Variants in DLC1 observed in about 807,000 individuals in gnomAD.
The protein encoded by DLC1 is DLC1 Rho GTPase activating protein.
In DLC1, 54 loss-of-function variants were observed where a neutral mutation model predicts 140.3. That is an observed-to-expected ratio of 0.38 (90% CI 0.31 to 0.48). The LOEUF (loss-of-function observed/expected upper bound fraction) is 0.48. Among genes scored for constraint, DLC1 ranks in the 20% least tolerant of loss-of-function variants. The pLI is 0.96. For synonymous variants in DLC1, 986 were observed against 728.1 expected (o/e 1.35, Z -5.70); for missense variants, 2,536 against 1,907.0 (o/e 1.33, Z -6.14).
At chr8:13,127,057 G>C (rs566148874) in intron 5 of DLC1, among the ~76,000 whole-genome samples, 1 of 152,190 alleles carries the variant, frequency 6.6e-6, no homozygotes, top group Non-Finnish European at 1.5e-5. Flanking sequence ...AAACCTCAAA[G>C]AGGAAACACT....
In DLC1 at chr8:13,281,949, TG is replaced by T. The variant is rs371661991; in HGVS notation, c.1348+23319del. On this transcript the variant is annotated intron_variant, in intron 5 of 17. Transcript: ENST00000276297. Reference sequence around the variant, plus strand: ...TTCTGCGCCTTGCCAGACAGCTTTGTGATCTTGGGACAGCATTTTGTTTTCT... The same window carrying T: ...TTCTGCGCCTTGCCAGACAGCTTTGTATCTTGGGACAGCATTTTGTTTTCT... Among the ~76,000 whole-genome samples the T allele has an allele frequency of 3.3e-3, 502 of 152,328 alleles. 5 individuals carry two copies. The highest frequency in any genetic ancestry group is 0.014 in the Admixed American group (211 of 15,306).
intron 5 of DLC1, among the ~76,000 whole-genome samples, chr8:13,272,460 A>G (rs560634981): frequency 6.6e-6 from 1 of 152,228 alleles, no homozygotes; most frequent in African/African-American, 2.4e-5. Context: ...ACAAACAAAC[A>G]AACAAAAAAG....
chr8:13,507,167 C>G (rs577014979), intron 1 of DLC1, among the ~76,000 whole-genome samples: 20 of 152,242 alleles, frequency 1.3e-4, no homozygotes, highest in African/African-American at 4.1e-4. Context: ...TGTCAAAGAA[C>G]AAATTACCTA....
chr8:13,603,214 C>G (rs886703989), intron 1 of DLC1, among the ~76,000 whole-genome samples: 4 of 151,742 alleles, frequency 2.6e-5, no homozygotes, highest in African/African-American at 9.7e-5. Flanking sequence ...TTTCTAACAT[C>G]GTGATGTTAG....
chr8:13,204,972 G>C (rs1827581251), intron 5 of DLC1, among the ~76,000 whole-genome samples: 2 of 152,082 alleles, frequency 1.3e-5, no homozygotes, highest in South Asian at 2.1e-4. Context: ...TAATTGGCTT[G>C]CTTCTTAACA....
At chr8:13,429,473 G>T (rs1838761605) in intron 2 of DLC1, among the ~76,000 whole-genome samples, 2 of 152,178 alleles carry the variant, frequency 1.3e-5, no homozygotes, top group South Asian at 4.1e-4. Context: ...GTAGTGATTT[G>T]TAGTCGTTGA....
chr8:13,255,559 GT>G (rs553854082), intron 5 of DLC1, among the ~76,000 whole-genome samples: 175 of 152,336 alleles, frequency 1.1e-3, no homozygotes, highest in African/African-American at 3.8e-3. Context: ...ATGAACAGAT[GT>G]GAGGGTTGAA....
intron 4 of DLC1, among the ~76,000 whole-genome samples, chr8:13,350,694 C>T (rs902036308): frequency 3.3e-5 from 5 of 151,592 alleles, no homozygotes; most frequent in South Asian, 2.1e-4. Flanking sequence ...CCAGCCTGGG[C>T]CATGGAGCAA....
At chr8:13,111,022 G>T (rs1332863402) in intron 6 of DLC1, among the ~76,000 whole-genome samples, 199 bp from the exon 7 acceptor site, 1 of 152,176 alleles carries the variant, frequency 6.6e-6, no homozygotes, top group Non-Finnish European at 1.5e-5. Flanking sequence ...AGGAGCTTCG[G>T]CTTTAATGTG....
chr8:13,205,447 G>A (rs1427281768), intron 5 of DLC1, among the ~76,000 whole-genome samples: 2 of 152,150 alleles, frequency 1.3e-5, no homozygotes, highest in South Asian at 2.1e-4. Flanking sequence ...GTGGTTCCGC[G>A]GCATAAATGA....
intron 1 of DLC1, among the ~76,000 whole-genome samples, chr8:13,581,157 C>T (rs1393907938): frequency 6.6e-6 from 1 of 152,216 alleles, no homozygotes; most frequent in Non-Finnish European, 1.5e-5. Flanking sequence ...AGATCTCATT[C>T]AGTCAGGGTC....
At chr8:13,307,121 G>T (rs369170122) in intron 4 of DLC1, among the ~76,000 whole-genome samples, 2 of 151,368 alleles carry the variant, frequency 1.3e-5, no homozygotes, top group Non-Finnish European at 2.9e-5. Context: ...GAGATGGGGG[G>T]AGTTACTTTG....
At chr8:13,337,824 T>C (rs1563263555) in intron 4 of DLC1, among the ~76,000 whole-genome samples, 2 of 152,154 alleles carry the variant, frequency 1.3e-5, no homozygotes, top group African/African-American at 2.4e-5. Flanking sequence ...AACTAAATAA[T>C]TGAATTAAAC....
chr8:13,227,895 G>C (rs561242902), intron 5 of DLC1, among the ~76,000 whole-genome samples: 2 of 152,212 alleles, frequency 1.3e-5, no homozygotes, highest in South Asian at 4.2e-4. Flanking sequence ...ATGAATCTTG[G>C]TCTGAATATT....
intron 3 of DLC1, among the ~76,000 whole-genome samples, chr8:13,397,472 C>T (rs1380524474): frequency 2.0e-5 from 3 of 152,004 alleles, no homozygotes; most frequent in African/African-American, 4.8e-5. Context: ...TGCACTGGCA[C>T]TACTGAATTT....
chr8:13,276,374 C>A (rs2117405145), intron 5 of DLC1: 1 of 1,519,572 alleles, frequency 6.6e-7, no homozygotes, highest in South Asian at 1.2e-5. Flanking sequence ...GGGGGCGCGC[C>A]ATCACGTGGG....
intron 5 of DLC1, chr8:13,304,499 G>C (rs1323781038): frequency 4.1e-6 from 1 of 243,486 alleles, no homozygotes; most frequent in Non-Finnish European, 6.6e-6. Context: ...AAACTCTACT[G>C]CTTTAGTGTA....
At chr8:13,409,852 G>A (rs541487838) in intron 2 of DLC1, among the ~76,000 whole-genome samples, 2 of 152,146 alleles carry the variant, frequency 1.3e-5, no homozygotes, top group East Asian at 3.9e-4. Flanking sequence ...ACGTGCTAAG[G>A]TTCATGTAGA....
chr8:13,488,454 A>G (rs1801072594), intron 2 of DLC1, among the ~76,000 whole-genome samples: 2 of 152,260 alleles, frequency 1.3e-5, no homozygotes, highest in Admixed American at 1.3e-4. Flanking sequence ...TGTTTAAAAT[A>G]TGGTGAGCCC....
Sources: gnomAD v4.1 joint callset for allele counts (sites outside exome capture counted in the v4.1 genomes callset) on GRCh38, gnomAD v4.1.1 for gene constraint, MANE v1.5 for transcripts, NCBI Gene and HGNC (gene_info 2026-07-23, HGNC 2026-07-21) for gene names.